Variants in FSTL4 observed in about 807,000 individuals in gnomAD.
The protein encoded by FSTL4 is follistatin like 4.
Under a neutral mutation model 78.2 loss-of-function variants are expected in FSTL4, and 28 were observed. That is an observed-to-expected ratio of 0.36 (90% CI 0.27 to 0.49). The LOEUF is 0.49. Ranked by LOEUF, FSTL4 falls within the 20% of genes least tolerant of loss-of-function variation. The pLI is 0.98. For missense variants in FSTL4, 922 were observed against 1,084.9 expected (o/e 0.85, Z 2.11); for synonymous variants, 422 against 440.5 (o/e 0.96, Z 0.53).
intron 3 of FSTL4, among the ~76,000 whole-genome samples, chr5:133,415,585 C>CATGGTGGTGGCATAGTAA (rs1365163817): frequency 6.6e-6 from 1 of 151,898 alleles, no homozygotes; most frequent in Non-Finnish European, 1.5e-5. Flanking sequence ...GAGGAGGTGG[C>CATGGTGGTGGCATAGTAA]AGAGCATGGT....
intron 2 of FSTL4, among the ~76,000 whole-genome samples, chr5:133,572,771 C>T (rs1435668354): frequency 1.3e-5 from 2 of 151,864 alleles, no homozygotes; most frequent in Non-Finnish European, 2.9e-5. Flanking sequence ...TTATAATGTC[C>T]TAGTACTGTC....
At chr5:133,477,424 C>T (rs1407414775) in intron 3 of FSTL4, among the ~76,000 whole-genome samples, 1 of 152,196 alleles carries the variant, frequency 6.6e-6, no homozygotes, top group East Asian at 1.9e-4. Context: ...TTACTTTAGG[C>T]CTGCTAGTCT....
intron 3 of FSTL4, among the ~76,000 whole-genome samples, chr5:133,566,682 C>T (rs559692144): frequency 6.6e-6 from 1 of 152,272 alleles, no homozygotes; most frequent in South Asian, 2.1e-4. Flanking sequence ...GGAACTCTGG[C>T]AGGGGAAACA....
the FSTL4 span, among the ~76,000 whole-genome samples, chr5:133,729,176 G>A: frequency 4.6e-5 from 7 of 151,880 alleles, no homozygotes; most frequent in Non-Finnish European, 8.8e-5. Context: ...CATCACATAC[G>A]ACCCCTTGGT....
intron 3 of FSTL4, among the ~76,000 whole-genome samples, chr5:133,486,615 G>A (rs1015797040): frequency 6.6e-6 from 1 of 152,120 alleles, no homozygotes; most frequent in Admixed American, 6.5e-5. Flanking sequence ...CATCTCTTGT[G>A]CTAAGAAAGC....
the FSTL4 span, among the ~76,000 whole-genome samples, chr5:133,810,508 C>T: frequency 6.6e-6 from 1 of 152,138 alleles, no homozygotes; most frequent in Non-Finnish European, 1.5e-5. Flanking sequence ...GGGACACATA[C>T]AAGGCATGAG....
At chr5:133,274,398 G>GTTTTTT (rs1752833388) in intron 6 of FSTL4, among the ~76,000 whole-genome samples, 1 of 1,190 alleles carries the variant, frequency 8.4e-4, no homozygotes, top group Admixed American at 8.6e-3. Context: ...TTTTTTTTTA[G>GTTTTTT]GAGAACAGCA....
At chr5:133,785,518 G>A in the FSTL4 span, among the ~76,000 whole-genome samples, 124 of 152,314 alleles carry the variant, frequency 8.1e-4, no homozygotes, top group African/African-American at 2.8e-3. Context: ...CTTCAGCCCT[G>A]CTTGGCCTTT....
At chr5:133,540,720 C>CAAAAAAAAAAAAAAAAAAAAAAAGA (rs79162509) in intron 3 of FSTL4, among the ~76,000 whole-genome samples, 5 of 70,250 alleles carry the variant, frequency 7.1e-5, no homozygotes, top group Non-Finnish European at 8.0e-5. Flanking sequence ...TTAACATAGG[C>CAAAAAAAAAAAAAAAAAAAAAAAGA]AAAAAAAAAA....
the FSTL4 span, among the ~76,000 whole-genome samples, chr5:133,756,712 T>C: frequency 6.6e-6 from 1 of 152,080 alleles, no homozygotes; most frequent in Non-Finnish European, 1.5e-5. Flanking sequence ...TTGTGATTTG[T>C]CATTGGTGCT....
chr5:133,313,368 G>A (rs952453525), intron 5 of FSTL4, among the ~76,000 whole-genome samples: 1 of 152,078 alleles, frequency 6.6e-6, no homozygotes, highest in African/African-American at 2.4e-5. Flanking sequence ...GGACACAGAT[G>A]TCCACCCTTG....
intron 3 of FSTL4, among the ~76,000 whole-genome samples, chr5:133,405,576 G>A (rs1756341935): frequency 6.6e-6 from 1 of 152,252 alleles, no homozygotes; most frequent in African/African-American, 2.4e-5. Flanking sequence ...GGCTTTGCCT[G>A]CGGAAGAGCC....
intron 6 of FSTL4, among the ~76,000 whole-genome samples, chr5:133,267,867 G>A (rs753266337): frequency 3.3e-5 from 5 of 152,162 alleles, no homozygotes; most frequent in Non-Finnish European, 7.4e-5. Context: ...CACTGGCTTG[G>A]CTGGGGCAAG....
intron 4 of FSTL4, among the ~76,000 whole-genome samples, chr5:133,328,930 C>T (rs1347232541): frequency 6.6e-6 from 1 of 152,180 alleles, no homozygotes; most frequent in Non-Finnish European, 1.5e-5. Context: ...TCAGCGTCAG[C>T]GAGGCAATGG....
intron 3 of FSTL4, among the ~76,000 whole-genome samples, chr5:133,499,000 C>CACACAA (rs779452717): frequency 1.4e-5 from 2 of 146,740 alleles, no homozygotes; most frequent in Non-Finnish European, 3.1e-5. Context: ...CAACAAATTA[C>CACACAA]ACACACACAC....
At chr5:133,392,810 G>A (rs1755882929) in intron 4 of FSTL4, among the ~76,000 whole-genome samples, 1 of 152,136 alleles carries the variant, frequency 6.6e-6, no homozygotes, top group Non-Finnish European at 1.5e-5. Context: ...CAATGTGGGG[G>A]ACTCGGAGGC....
At chr5:133,727,629 C>T in the FSTL4 span, among the ~76,000 whole-genome samples, 4 of 152,184 alleles carry the variant, frequency 2.6e-5, no homozygotes, top group Non-Finnish European at 5.9e-5. Context: ...GAAGGCCCAG[C>T]CAACATCTTA....
the FSTL4 span, among the ~76,000 whole-genome samples, chr5:133,807,866 G>A: frequency 3.3e-5 from 5 of 152,158 alleles, no homozygotes; most frequent in South Asian, 8.3e-4. Context: ...TCACGCTTAC[G>A]ATGGTGCCTT....
chr5:133,263,589 C>T (rs1216885482), intron 6 of FSTL4, among the ~76,000 whole-genome samples: 1 of 152,018 alleles, frequency 6.6e-6, no homozygotes, highest in African/African-American at 2.4e-5. Context: ...TTCGTTAGAG[C>T]ACTGGGGAAT....
Sources: allele counts gnomAD v4.1 joint callset (sites outside exome capture counted in the v4.1 genomes callset), GRCh38; gene constraint gnomAD v4.1.1; transcripts MANE v1.5; gene names NCBI Gene and HGNC (gene_info 2026-07-23, HGNC 2026-07-21).